Variants in EDARADD observed in about 807,000 individuals in gnomAD.
EDARADD encodes the protein EDAR associated via death domain.
In EDARADD, 20 loss-of-function variants were observed where a neutral mutation model predicts 25.6. The ratio of observed to expected loss-of-function variants is 0.78; its 90% CI spans 0.55 to 1.14. The LOEUF (loss-of-function observed/expected upper bound fraction) is 1.14, where lower values mean the gene tolerates loss of function less well. EDARADD is among the 50% of genes most tolerant of loss of function. EDARADD has a pLI of 0.00. For synonymous variants in EDARADD, 86 were observed against 94.4 expected (o/e 0.91, Z 0.52); for missense variants, 225 against 270.1 (o/e 0.83, Z 1.17).
At chr1:236,380,946 G>A (rs1278711265) in intron 3 of EDARADD, among the ~76,000 whole-genome samples, 1 of 152,136 alleles carries the variant, frequency 6.6e-6, no homozygotes, top group African/African-American at 2.4e-5. Context: ...CTGCACATAT[G>A]TCAAGTGCAC....
At chr1:236,383,928 G>A (rs1230830756) in intron 3 of EDARADD, among the ~76,000 whole-genome samples, 2 of 152,102 alleles carry the variant, frequency 1.3e-5, no homozygotes, top group Admixed American at 6.6e-5. Flanking sequence ...CTTGAGCCCC[G>A]GTAGGTCGAG....
intron 1 of EDARADD, among the ~76,000 whole-genome samples, 174 bp from the exon 2 acceptor site, chr1:236,409,042 T>C (rs1667788235): frequency 6.8e-6 from 1 of 146,936 alleles, no homozygotes. Context: ...CAGCATGAGC[T>C]ACCTCACCCA....
At chr1:236,385,448 G>GCATAGTGGCT (rs1490654445) in intron 3 of EDARADD, among the ~76,000 whole-genome samples, 10 of 146,198 alleles carry the variant, frequency 6.8e-5, no homozygotes, top group Non-Finnish European at 4.5e-5. Flanking sequence ...TCCAGGCTGG[G>GCATAGTGGCT]CATAGTGGCT....
intron 3 of EDARADD, among the ~76,000 whole-genome samples, chr1:236,418,175 G>A (rs144228712): frequency 4.0e-5 from 6 of 151,584 alleles, no homozygotes; most frequent in South Asian, 2.1e-4. Context: ...GGATGGTCTC[G>A]ATCTCCTGAC....
At position 236,444,490 on chromosome 1, in the gene EDARADD, C is replaced by T. The variant is rs759787360; in HGVS notation, c.219+17040C>T. On this transcript the variant is annotated intron_variant, in intron 4 of 5. Transcript: ENST00000334232. ...AGGGTGGAGTGCAGTGGCACAATTTCGGCTCACTGCAACCTCCGCCTGCAG... is the reference window on the plus strand; with the variant it reads ...AGGGTGGAGTGCAGTGGCACAATTTTGGCTCACTGCAACCTCCGCCTGCAG... Among the ~76,000 whole-genome samples the T allele has an allele frequency of 6.4e-4, 97 of 152,080 alleles. 1 individual carries two copies. Among genetic ancestry groups the T allele is most frequent in the Non-Finnish European group, 1.8e-4 (12 of 68,018 alleles).
intron 4 of EDARADD, among the ~76,000 whole-genome samples, chr1:236,450,228 A>G (rs1252352605): frequency 1.3e-5 from 2 of 152,178 alleles, no homozygotes; most frequent in East Asian, 3.9e-4. Context: ...GCTTAAGCCT[A>G]GGCATATGAT....
Position 236,484,148 on chromosome 1 carries a change from A to G in EDARADD, c.*1499A>G. 7 of 1,387,510 alleles carry G rather than the reference A, an allele frequency of 5.0e-6. No homozygotes were observed. Among genetic ancestry groups the G allele is most frequent in the Non-Finnish European group, 7.2e-6 (7 of 974,450 alleles). The allele number at this position is 1,387,510 out of a possible 1,614,324, so 85.9% of individuals were successfully genotyped here. ...TCAGAGTGACCAACCCAAAGAGGAC[A>G]GCCTCGGCCGTGAATGAGAAGAAGT... On this transcript the variant is annotated 3_prime_UTR_variant, in exon 6 of 6. Transcript: ENST00000334232. This position sits in a 1 kb window ranked among gnomAD's most constrained non-coding sequence, Gnocchi z 4.1.
At chr1:236,353,834 G>C (rs1572105876) in intron 3 of EDARADD, among the ~76,000 whole-genome samples, 1 of 152,228 alleles carries the variant, frequency 6.6e-6, no homozygotes, top group Non-Finnish European at 1.5e-5. Context: ...ACAGGCACCA[G>C]ATAATCAGCT....
chr1:236,365,513 C>A (rs1221113762), intron 3 of EDARADD, among the ~76,000 whole-genome samples: 1 of 152,180 alleles, frequency 6.6e-6, no homozygotes, highest in African/African-American at 2.4e-5. Flanking sequence ...CGCTATGTTG[C>A]CCAGGCTGGT....
At chr1:236,403,509 G>A (rs1287691325) in intron 1 of EDARADD, among the ~76,000 whole-genome samples, 2 of 151,008 alleles carry the variant, frequency 1.3e-5, no homozygotes, top group Admixed American at 6.6e-5. Context: ...GGATGGTCTC[G>A]ATCTCCTGAC....
chr1:236,443,603 T>C (rs1658458227), intron 4 of EDARADD, among the ~76,000 whole-genome samples: 1 of 152,188 alleles, frequency 6.6e-6, no homozygotes, highest in Admixed American at 6.5e-5. Flanking sequence ...GGGGCTGGAT[T>C]TCTGCAGTGT....
In EDARADD at chr1:236,483,698, C is replaced by T. The variant is rs143397265; in HGVS notation, c.*1049C>T. The T allele has an allele frequency of 4.4e-4, 697 of 1,568,508 alleles. 5 individuals are homozygous for T. The African/African-American group carries it at 8.5e-3, about 19-fold the overall frequency. On this transcript the variant is annotated 3_prime_UTR_variant, in exon 6 of 6. Coordinates refer to ENST00000334232, the MANE Select transcript of EDARADD (RefSeq NM_145861.4). ...TCCTCCCAGTCGGTGCAGCAAACTT[C>T]AGGGAAGCCATGCCCATTGGAGCGG...
At chr1:236,355,907 G>A (rs1248901538) in intron 3 of EDARADD, among the ~76,000 whole-genome samples, 1 of 152,000 alleles carries the variant, frequency 6.6e-6, no homozygotes, top group African/African-American at 2.4e-5. Flanking sequence ...ATATTTGTCA[G>A]GCTAAACTCT....
In EDARADD at chr1:236,463,434, C is replaced by T. The variant is rs189501859; in HGVS notation, c.220-4797C>T. 3.0e-3 allele frequency among the ~76,000 whole-genome samples: 451 copies of T among 152,284 alleles called. 3 individuals are homozygous for T. The highest frequency in any genetic ancestry group is 9.3e-3 in the African/African-American group (385 of 41,552). ...TCAGCCTTCCGAGTAGCTGGGATTA[C>T]AGGTGCACACCACCACGCCCGGCTA... On this transcript the variant is annotated intron_variant, in intron 4 of 5. Coordinates refer to ENST00000334232, the MANE Select transcript of EDARADD (RefSeq NM_145861.4).
chr1:236,363,033 A>ATATATATATATATATATATATAT (rs1558100919), intron 3 of EDARADD, among the ~76,000 whole-genome samples: 2 of 117,670 alleles, frequency 1.7e-5, no homozygotes, highest in African/African-American at 6.4e-5. Flanking sequence ...ATATATATAT[A>ATATATATATATATATATATATAT]AAATTTGTGT....
chr1:236,468,721 G>T (rs1659283636), intron 5 of EDARADD, among the ~76,000 whole-genome samples: 1 of 152,190 alleles, frequency 6.6e-6, no homozygotes, highest in Non-Finnish European at 1.5e-5. Context: ...GCGGTGCACT[G>T]CAGGGAAAGC....
In EDARADD at chr1:236,483,053, G is replaced by A; in HGVS notation, c.*404G>A. On this transcript the variant is annotated 3_prime_UTR_variant, in exon 6 of 6. Coordinates refer to ENST00000334232, the MANE Select transcript of EDARADD (RefSeq NM_145861.4). ...TTATATGTAACATCTCTCCTGATCA[G>A]TGCCATTCCCACGGTTTCAAAGAAA... The A allele has an allele frequency of 2.8e-6, 2 of 726,944 alleles. No individual in the cohort carries two copies. The highest frequency in any genetic ancestry group is 4.4e-5 in the Admixed American group (2 of 45,848). The allele number at this position is 726,944 out of a possible 1,614,324, so 45.0% of individuals were successfully genotyped here.
chr1:236,353,404 A>G lies in EDARADD; in HGVS notation c.-6+2565A>G, dbSNP rs190037860. On this transcript the variant is annotated intron_variant, in intron 3 of 7. Coordinates refer to the EDARADD transcript ENST00000439430. ...TGTTACATTAAGATGTTGGACAGCC[A>G]GGCGCGGTGGCTCACACCTGTAATC... Among the ~76,000 whole-genome samples the G allele has an allele frequency of 2.8e-4, 42 of 152,250 alleles. No individual in the cohort carries two copies. The East Asian group carries it at 7.7e-3, about 28-fold the overall frequency.
Position 236,478,693 on chromosome 1 carries a change from T to G in EDARADD, c.266-3574T>G, listed in dbSNP as rs1659577928. ...GCTCCACCTCCCGAGTTGACGCCATTCTCCTGCCTCAGCCTCCTGAGTAGC... is the reference window on the plus strand; with the variant it reads ...GCTCCACCTCCCGAGTTGACGCCATGCTCCTGCCTCAGCCTCCTGAGTAGC... On this transcript the variant is annotated intron_variant, in intron 5 of 5. Coordinates refer to ENST00000334232, the MANE Select transcript of EDARADD (RefSeq NM_145861.4). Among the ~76,000 whole-genome samples the G allele has an allele frequency of 2.0e-5, 3 of 152,152 alleles. No homozygotes were observed. The South Asian group carries it at 6.2e-4, about 32-fold the overall frequency.
Sources: allele counts gnomAD v4.1 joint callset (sites outside exome capture counted in the v4.1 genomes callset), GRCh38; gene constraint gnomAD v4.1.1; non-coding constraint Gnocchi (gnomAD v3.1); transcripts MANE v1.5; gene names NCBI Gene and HGNC (gene_info 2026-07-23, HGNC 2026-07-21).